Variants in UBAC2 observed in about 807,000 individuals in gnomAD.
UBAC2 encodes the protein UBA domain containing 2.
UBAC2 carries 26 observed loss-of-function variants against 44.0 expected under a neutral mutation model. The ratio of observed to expected loss-of-function variants is 0.59; its 90% CI spans 0.43 to 0.82. The LOEUF (loss-of-function observed/expected upper bound fraction) is 0.82, where lower values mean the gene tolerates loss of function less well. UBAC2 is among the 40% of genes least tolerant of loss of function. UBAC2 has a pLI of 0.00. For missense variants in UBAC2, 329 were observed against 419.4 expected (o/e 0.78, Z 1.88); for synonymous variants, 155 against 154.3 (o/e 1.00, Z -0.04).
At chr13:99,371,218 ACTT>A (rs1386182507) in intron 8 of UBAC2, among the ~76,000 whole-genome samples, 1 of 151,952 alleles carries the variant, frequency 6.6e-6, no homozygotes, top group African/African-American at 2.4e-5. Context: ...CAGCGAGGTT[ACTT>A]CTTGTCAACA....
At chr13:99,293,278 G>T (rs904606349) in intron 4 of UBAC2, among the ~76,000 whole-genome samples, 72 of 152,118 alleles carry the variant, frequency 4.7e-4, no homozygotes, top group African/African-American at 1.7e-3. Flanking sequence ...TCTCTTGTTT[G>T]TAGGATCCTA....
At chr13:99,383,312 C>T (rs1167289185) in intron 8 of UBAC2, among the ~76,000 whole-genome samples, 1 of 152,206 alleles carries the variant, frequency 6.6e-6, no homozygotes, top group Non-Finnish European at 1.5e-5. Context: ...TAGGACAGTA[C>T]ATATCTCTGT....
intron 7 of UBAC2, among the ~76,000 whole-genome samples, chr13:99,356,655 A>G (rs1286145263): frequency 5.3e-5 from 8 of 152,206 alleles, no homozygotes; most frequent in African/African-American, 1.9e-4. Context: ...ACCTACTGAG[A>G]CTACTGCTAA....
chr13:99,237,269 TATAC>T (rs1201001709), intron 1 of UBAC2, among the ~76,000 whole-genome samples: 250 of 122,758 alleles, frequency 2.0e-3, no homozygotes, highest in African/African-American at 4.1e-3. Flanking sequence ...TATATATATA[TATAC>T]ACACACACAC....
intron 4 of UBAC2, among the ~76,000 whole-genome samples, chr13:99,305,500 A>G (rs2044320430): frequency 6.6e-6 from 1 of 152,242 alleles, no homozygotes; most frequent in African/African-American, 2.4e-5. Context: ...CTTGAGGATG[A>G]TGACTTGATC....
chr13:99,362,087 ATT>A (rs2138882354), intron 7 of UBAC2, among the ~76,000 whole-genome samples: 1 of 152,332 alleles, frequency 6.6e-6, no homozygotes, highest in African/African-American at 2.4e-5. Flanking sequence ...TTTTATTTAT[ATT>A]ATTTACATAA....
At chr13:99,266,934 T>C (rs1008518609) in intron 4 of UBAC2, among the ~76,000 whole-genome samples, 1 of 152,158 alleles carries the variant, frequency 6.6e-6, no homozygotes, top group African/African-American at 2.4e-5. Context: ...TGTTGGGGAA[T>C]GGCTGTATCG....
intron 8 of UBAC2, chr13:99,377,712 T>C (rs1384222167): frequency 6.6e-6 from 1 of 152,260 alleles, no homozygotes; most frequent in African/African-American, 2.4e-5. Context: ...TTCTGACTTC[T>C]TTAGGGCCCA....
chr13:99,245,286 TA>T (rs2043369692), intron 4 of UBAC2, among the ~76,000 whole-genome samples: 1 of 152,206 alleles, frequency 6.6e-6, no homozygotes, highest in African/African-American at 2.4e-5. Context: ...TTAATTAGAT[TA>T]GGAAACAAAA....
chr13:99,252,970 A>G (rs1036047540), intron 4 of UBAC2, among the ~76,000 whole-genome samples: 1 of 152,002 alleles, frequency 6.6e-6, no homozygotes. Flanking sequence ...ATTCATCTGT[A>G]TGGTTGAGAG....
At chr13:99,263,868 T>C (rs1297139601) in intron 4 of UBAC2, among the ~76,000 whole-genome samples, 2 of 152,200 alleles carry the variant, frequency 1.3e-5, no homozygotes, top group East Asian at 3.8e-4. Flanking sequence ...TAGTGTTAAG[T>C]TGAAAAAGCC....
At chr13:99,333,104 G>A (rs1309559740) in intron 6 of UBAC2, among the ~76,000 whole-genome samples, 1 of 151,974 alleles carries the variant, frequency 6.6e-6, no homozygotes, top group Non-Finnish European at 1.5e-5. Context: ...TCTGGGGGGG[G>A]AAGAAAGAGA....
In UBAC2 at chr13:99,331,083, A is replaced by G. The variant is rs534703078; in HGVS notation, c.562-9237A>G. ...AAGGTTCGTTTTATTTGAGCCAGCA[A>G]TGCCTCCAGCTGAGATCACGTATCT... On this transcript the variant is annotated intron_variant, in intron 6 of 8. Coordinates refer to ENST00000403766, the MANE Select transcript of UBAC2 (RefSeq NM_001144072.2). Among the ~76,000 whole-genome samples the G allele has an allele frequency of 4.6e-5, 7 of 152,318 alleles. 1 individual carries two copies. The South Asian group carries it at 6.2e-4, about 14-fold the overall frequency.
intron 7 of UBAC2, 52 bp from the exon 8 acceptor site, chr13:99,367,735 T>G: frequency 6.2e-7 from 1 of 1,612,606 alleles, no homozygotes; most frequent in Non-Finnish European, 8.5e-7. Flanking sequence ...CCAAGCATTA[T>G]GATGATTCTG....
intron 1 of UBAC2, among the ~76,000 whole-genome samples, chr13:99,233,606 C>A (rs2043200677): frequency 6.6e-6 from 1 of 152,044 alleles, no homozygotes; most frequent in Non-Finnish European, 1.5e-5. Context: ...CCACCTGGAC[C>A]ATCTGAACGT....
intron 1 of UBAC2, among the ~76,000 whole-genome samples, chr13:99,220,330 A>G (rs2043040076): frequency 6.6e-6 from 1 of 152,176 alleles, no homozygotes; most frequent in African/African-American, 2.4e-5. Flanking sequence ...CTGATAATTA[A>G]TTCGTGCTTC....
At chr13:99,327,482 C>CTGTGTG (rs544191744) in intron 6 of UBAC2, among the ~76,000 whole-genome samples, 1 of 150,214 alleles carries the variant, frequency 6.7e-6, no homozygotes, top group Non-Finnish European at 1.5e-5. Flanking sequence ...TTCTCTCTCT[C>CTGTGTG]TCTGTGTGTG....
At chr13:99,253,170 T>C (rs1421502241) in intron 4 of UBAC2, among the ~76,000 whole-genome samples, 1 of 151,528 alleles carries the variant, frequency 6.6e-6, no homozygotes, top group Admixed American at 6.6e-5. Context: ...CATTTGACTA[T>C]TGAAACTAAA....
chr13:99,340,026 A>G (rs9557202), intron 6 of UBAC2, among the ~76,000 whole-genome samples: 25,537 of 152,242 alleles, frequency 0.17, 2,360 homozygotes, highest in Middle Eastern at 0.23. Flanking sequence ...TTTTTAAAAA[A>G]TGAAGACAGT....
Sources: gnomAD v4.1 joint callset for allele counts (sites outside exome capture counted in the v4.1 genomes callset) on GRCh38, gnomAD v4.1.1 for gene constraint, MANE v1.5 for transcripts, NCBI Gene and HGNC (gene_info 2026-07-23, HGNC 2026-07-21) for gene names.